OAT: variants seen among roughly 807,000 people sequenced by gnomAD.
OAT encodes ornithine aminotransferase, mitochondrial.
A neutral mutation model predicts 48.4 loss-of-function variants in OAT; 35 were observed. The ratio of observed to expected loss-of-function variants is 0.72; its 90% CI spans 0.55 to 0.96. The LOEUF (loss-of-function observed/expected upper bound fraction) is 0.96, where lower values mean the gene tolerates loss of function less well. OAT is among the 40% of genes least tolerant of loss of function. The probability of loss-of-function intolerance (pLI) is 0.00; values close to 1 mark genes in which losing one functional copy is unlikely to be tolerated. For synonymous variants in OAT, 182 were observed against 198.4 expected, an observed-to-expected ratio of 0.92 and a Z score of 0.70; for missense variants, 438 against 537.9, an observed-to-expected ratio of 0.81 and a Z score of 1.84.
intron 7 of OAT, among the ~76,000 whole-genome samples, chr10:124,402,282 T>C (rs1048184973): frequency 7.9e-5 from 12 of 152,208 alleles, no homozygotes; most frequent in African/African-American, 2.2e-4. Flanking sequence ...GACTTAGTCA[T>C]ACCCTAAAAC....
intron 1 of OAT, among the ~76,000 whole-genome samples, chr10:124,413,327 AC>A (rs761635442): frequency 2.2e-4 from 34 of 151,838 alleles, no homozygotes; most frequent in Non-Finnish European, 4.7e-4. Flanking sequence ...AGATTCCCAA[AC>A]AAAACAATCT....
chr10:124,415,074 TAAAAAAAAAAAAAAAAAAAAAAAA>T (rs75952005), intron 1 of OAT: 2 of 16,854 alleles, frequency 1.2e-4, no homozygotes, highest in South Asian at 2.8e-3. Context: ...TACAAAGCGC[TAAAAAAAAAAAAAAAAAAAAAAAA>T]AAAAAAAAAA....
chr10:124,408,334 TA>T lies in OAT; in HGVS notation c.520+207del, dbSNP rs1564736042. On this transcript the variant is annotated intron_variant, in intron 4 of 9. Transcript: ENST00000368845. ...GTGTGTGTGTATATATATATATATA[TA>T]TATATATATTTTTTTTTTTTTTTTT... is the stretch of plus-strand genomic sequence containing the variant. Among the ~76,000 whole-genome samples, 531 of 94,640 alleles carry T rather than the reference TA, an allele frequency of 5.6e-3. 2 individuals are homozygous for T. Among genetic ancestry groups the T allele is most frequent in the African/African-American group, 0.02 (516 of 25,288 alleles). The allele number at this position is 94,640 out of a possible 152,430, so 62.1% of individuals were successfully genotyped here.
At chr10:124,417,218 CT>C (rs940123582) in intron 1 of OAT, among the ~76,000 whole-genome samples, 17 of 121,104 alleles carry the variant, frequency 1.4e-4, no homozygotes, top group African/African-American at 4.9e-4. Context: ...CTGGATTTTT[CT>C]TTGGGGGGGG....
chr10:124,405,389 T>C lies in OAT; in HGVS notation c.648+47A>G, dbSNP rs554412475. On this transcript the variant is annotated intron_variant, in intron 5 of 9. Coordinates refer to ENST00000368845, the MANE Select transcript of OAT (RefSeq NM_000274.4). Reference sequence around the variant, plus strand: ...TTTTAATTCATATATTCAACAGCTTTAATTTCTATTCCCAATGAGCTGAGC... The same window carrying C: ...TTTTAATTCATATATTCAACAGCTTCAATTTCTATTCCCAATGAGCTGAGC... The C allele has an allele frequency of 5.0e-6, 8 of 1,610,474 alleles. No homozygotes were observed. In the South Asian group the frequency reaches 8.8e-5, roughly 18 times the overall value.
chr10:124,399,658 T>A (rs1951345133), intron 9 of OAT, among the ~76,000 whole-genome samples: 1 of 152,150 alleles, frequency 6.6e-6, no homozygotes, highest in South Asian at 2.1e-4. Context: ...CAGGTGATTC[T>A]TTAAGTGCAG....
chr10:124,418,879 G>C lies in OAT; in HGVS notation c.-36C>G, dbSNP rs1187755211. 6.6e-6 allele frequency: 1 copy of C among 152,170 alleles called. No homozygotes were observed. Among genetic ancestry groups the C allele is most frequent in the Admixed American group, 6.5e-5 (1 of 15,286 alleles). 9.4% of individuals were successfully genotyped at this position (152,170 alleles called of 1,614,324 possible). On this transcript the variant is annotated 5_prime_UTR_variant, in exon 1 of 10. Coordinates refer to ENST00000368845, the MANE Select transcript of OAT (RefSeq NM_000274.4). ...AGCGGCGCCCAGACGGTACCTGACA[G>C]CGCCTGAGGACAACCGGGTACACGC...
intron 4 of OAT, among the ~76,000 whole-genome samples, chr10:124,407,711 C>T (rs1248125094): frequency 2.0e-5 from 3 of 152,190 alleles, no homozygotes; most frequent in Non-Finnish European, 4.4e-5. Context: ...GACAAATGTA[C>T]ACATACTTGT....
intron 1 of OAT, among the ~76,000 whole-genome samples, chr10:124,417,282 GC>G (rs1951947427): frequency 7.7e-6 from 1 of 130,102 alleles, no homozygotes. Flanking sequence ...AAAACTATAA[GC>G]TTTTTTTTTT....
intron 8 of OAT, 81 bp from the exon 9 acceptor site, chr10:124,401,065 G>A: frequency 1.1e-6 from 1 of 934,844 alleles, no homozygotes; most frequent in Non-Finnish European, 1.7e-6. Context: ...TGTAAACACA[G>A]GAAAAACATG....
At chr10:124,417,221 TGGGGG>T (rs71026084) in intron 1 of OAT, among the ~76,000 whole-genome samples, 1 of 145,128 alleles carries the variant, frequency 6.9e-6, no homozygotes, top group Non-Finnish European at 1.5e-5. Context: ...GATTTTTCTT[TGGGGG>T]GGGGATGCAA....
Position 124,397,679 on chromosome 10 carries a change from T to A in OAT, c.*263A>T, listed in dbSNP as rs1005023803. ...GATTTAGAGGCTGTCTGTATATAGA[T>A]GCATTTCACCTTAGGAAGTACACAT... On this transcript the variant is annotated 3_prime_UTR_variant, in exon 10 of 10. Coordinates refer to ENST00000368845, the MANE Select transcript of OAT (RefSeq NM_000274.4). The A allele has an allele frequency of 4.5e-6, 2 of 440,964 alleles. No homozygotes were observed. The highest frequency in any genetic ancestry group is 8.3e-6 in the Non-Finnish European group (2 of 241,212). The allele number at this position is 440,964 out of a possible 1,614,324, so 27.3% of individuals were successfully genotyped here.
At chr10:124,409,887 G>C (rs1951700406) in intron 2 of OAT, among the ~76,000 whole-genome samples, 1 of 152,082 alleles carries the variant, frequency 6.6e-6, no homozygotes. Context: ...CATACTCCCT[G>C]GGATGGTTAT....
chr10:124,417,898 G>A (rs1195991493), intron 1 of OAT, among the ~76,000 whole-genome samples: 1 of 152,236 alleles, frequency 6.6e-6, no homozygotes, highest in Non-Finnish European at 1.5e-5. Flanking sequence ...AGGTAAAACT[G>A]AACACCGAAA....
intron 1 of OAT, chr10:124,414,517 G>A (rs1411543212): frequency 6.6e-6 from 1 of 152,114 alleles, no homozygotes. Flanking sequence ...ATCTCAAAGG[G>A]GTGGGTACCA....
At chr10:124,403,335 T>G (rs951717431) in intron 6 of OAT, 2 of 519,020 alleles carry the variant, frequency 3.9e-6, no homozygotes, top group Non-Finnish European at 6.9e-6. Context: ...GAGGGTTTTG[T>G]ATGGCTTTTC....
At chr10:124,418,250 C>G (rs1282171684) in intron 1 of OAT, 1 of 152,366 alleles carries the variant, frequency 6.6e-6, no homozygotes, top group African/African-American at 2.4e-5. Context: ...AAGAGGGGAG[C>G]GATGGGCAGG....
chr10:124,404,818 C>T (rs73380229), intron 5 of OAT, among the ~76,000 whole-genome samples: 5,657 of 152,202 alleles, frequency 0.037, 344 homozygotes, highest in African/African-American at 0.13. Context: ...CCAAGGTGGG[C>T]AGATCACTTG....
intron 4 of OAT, 87 bp downstream of exon 4, chr10:124,408,455 G>C (rs1222461427): frequency 1.2e-5 from 14 of 1,214,562 alleles, no homozygotes; most frequent in Non-Finnish European, 1.7e-5. Context: ...CAAAATGCTA[G>C]GATTACAGGC....
Sources: allele counts gnomAD v4.1 joint callset (sites outside exome capture counted in the v4.1 genomes callset), GRCh38; gene constraint gnomAD v4.1.1; transcripts MANE v1.5; gene names NCBI Gene and HGNC (gene_info 2026-07-23, HGNC 2026-07-21).